Variants in RSU1 observed in about 807,000 individuals in gnomAD.
The protein encoded by RSU1 is rsu-1.
RSU1 carries 26 observed loss-of-function variants against 31.1 expected under a neutral mutation model. The ratio of observed to expected loss-of-function variants is 0.84; its 90% CI spans 0.61 to 1.16. The LOEUF (loss-of-function observed/expected upper bound fraction) is 1.16, where lower values mean the gene tolerates loss of function less well. Ranked by LOEUF, RSU1 falls within the 50% of genes most tolerant of loss-of-function variation. The pLI is 0.00. For synonymous variants in RSU1, 164 were observed against 136.3 expected (o/e 1.20, Z -1.41); for missense variants, 320 against 339.1 (o/e 0.94, Z 0.44).
At chr10:16,755,076 AAGTGTAAG>A in intron 4 of RSU1, 87 bp from the exon 5 acceptor site, 1 of 754,410 alleles carries the variant, frequency 1.3e-6, no homozygotes, top group Non-Finnish European at 2.3e-6. Flanking sequence ...CAGACGCTGA[AAGTGTAAG>A]ACAGTGCCAT....
chr10:16,738,114 A>G (rs1836670502), intron 7 of RSU1, among the ~76,000 whole-genome samples: 1 of 152,214 alleles, frequency 6.6e-6, no homozygotes, highest in African/African-American at 2.4e-5. Flanking sequence ...GATGCTGCTA[A>G]AACAACGGAG....
intron 7 of RSU1, among the ~76,000 whole-genome samples, chr10:16,701,417 A>T (rs1835790527): frequency 6.6e-6 from 1 of 152,210 alleles, no homozygotes; most frequent in Non-Finnish European, 1.5e-5. Context: ...GGGATGTCTC[A>T]TGACAGCTCT....
At chr10:16,742,466 G>C (rs1460366477) in intron 7 of RSU1, among the ~76,000 whole-genome samples, 1 of 151,968 alleles carries the variant, frequency 6.6e-6, no homozygotes. Flanking sequence ...GTCTGACTCA[G>C]TATAACCTTG....
At chr10:16,604,495 AC>A (rs1474834464) in intron 8 of RSU1, among the ~76,000 whole-genome samples, 1 of 152,008 alleles carries the variant, frequency 6.6e-6, no homozygotes, top group African/African-American at 2.4e-5. Flanking sequence ...CACGCGATCC[AC>A]ACCTGCACGG....
chr10:16,815,740 A>T (rs1315176808), intron 2 of RSU1, among the ~76,000 whole-genome samples: 1 of 152,194 alleles, frequency 6.6e-6, no homozygotes, highest in African/African-American at 2.4e-5. Context: ...ACACACGACC[A>T]CCTTCACAGA....
chr10:16,687,518 G>GA (rs200371683), intron 8 of RSU1, among the ~76,000 whole-genome samples: 135 of 151,174 alleles, frequency 8.9e-4, no homozygotes, highest in African/African-American at 2.8e-3. Flanking sequence ...TTACAAGGCA[G>GA]AAAAAAAAAT....
intron 8 of RSU1, among the ~76,000 whole-genome samples, chr10:16,603,268 A>C (rs771948453): frequency 1.3e-5 from 2 of 152,230 alleles, no homozygotes; most frequent in Non-Finnish European, 2.9e-5. Context: ...ATAGGCTATA[A>C]TATATAAGGC....
chr10:16,748,982 TC>T (rs1836916998), intron 7 of RSU1, among the ~76,000 whole-genome samples: 1 of 152,124 alleles, frequency 6.6e-6, no homozygotes, highest in Non-Finnish European at 1.5e-5. Flanking sequence ...CTTGTTCTAA[TC>T]CCTAGCAAAT....
chr10:16,773,772 G>C (rs760929375), intron 3 of RSU1, among the ~76,000 whole-genome samples: 1 of 152,164 alleles, frequency 6.6e-6, no homozygotes, highest in Non-Finnish European at 1.5e-5. Flanking sequence ...TTTCCACACA[G>C]TGCTGGTTCA....
At chr10:16,778,262 CACA>C (rs1346636285) in intron 3 of RSU1, among the ~76,000 whole-genome samples, 3 of 151,994 alleles carry the variant, frequency 2.0e-5, no homozygotes, top group African/African-American at 7.2e-5. Flanking sequence ...GAAATGAGCA[CACA>C]ACGAGTAAGA....
intron 8 of RSU1, among the ~76,000 whole-genome samples, chr10:16,633,444 C>A (rs546275817): frequency 1.3e-5 from 2 of 152,114 alleles, no homozygotes; most frequent in African/African-American, 4.8e-5. Flanking sequence ...CAACACCCAT[C>A]CCCACCTGGG....
chr10:16,684,418 T>C lies in RSU1; in HGVS notation c.731+10605A>G, dbSNP rs1441046633. On this transcript the variant is annotated intron_variant, in intron 8 of 8. Transcript: ENST00000345264. ...AAAAAAACCAGAGCTTAGTCCTCAA[T>C]GGTCATATTTGGAGACAGCGTTTTT... 2.6e-5 allele frequency among the ~76,000 whole-genome samples: 4 copies of C among 152,138 alleles called. No individual in the cohort carries two copies. In the East Asian group the frequency reaches 7.7e-4, roughly 29 times the overall value.
At chr10:16,784,712 G>A (rs965497257) in intron 2 of RSU1, among the ~76,000 whole-genome samples, 3 of 152,194 alleles carry the variant, frequency 2.0e-5, no homozygotes, top group African/African-American at 4.8e-5. Context: ...GTAAGAGAGC[G>A]TATGCAGGGG....
intron 7 of RSU1, among the ~76,000 whole-genome samples, chr10:16,700,059 C>T (rs1835757191): frequency 6.6e-6 from 1 of 152,162 alleles, no homozygotes; most frequent in Non-Finnish European, 1.5e-5. Flanking sequence ...CATTAATAAG[C>T]ATGCTCATTT....
chr10:16,695,166 GGAA>G lies in RSU1; in HGVS notation c.599-14_599-12del, dbSNP rs1554767104. ...TTAAATCCAAGTTTCCTGGGGGGGG[GGAA>G]AAAAAAAGTGAAGGTCACTTCATCC... is the stretch of plus-strand genomic sequence containing the variant. On this transcript the variant is annotated splice_polypyrimidine_tract_variant and intron_variant, in intron 7 of 8. Coordinates refer to ENST00000345264, the MANE Select transcript of RSU1 (RefSeq NM_012425.4). 15 of 1,381,624 alleles carry G rather than the reference GGAA, an allele frequency of 1.1e-5. No individual in the cohort carries two copies. The highest frequency in any genetic ancestry group is 1.4e-5 in the Non-Finnish European group (14 of 1,022,634). 85.6% of individuals were successfully genotyped at this position (1,381,624 alleles called of 1,614,324 possible).
At chr10:16,635,215 C>T (rs1261114124) in intron 8 of RSU1, among the ~76,000 whole-genome samples, 1 of 152,212 alleles carries the variant, frequency 6.6e-6, no homozygotes, top group Non-Finnish European at 1.5e-5. Flanking sequence ...ACCAAATTCT[C>T]CTGATGCAGC....
intron 7 of RSU1, among the ~76,000 whole-genome samples, chr10:16,738,479 A>G (rs1836683147): frequency 6.6e-6 from 1 of 152,156 alleles, no homozygotes; most frequent in African/African-American, 2.4e-5. Context: ...CTGAAAATCA[A>G]TCACGTAAGC....
chr10:16,722,987 T>C (rs181607710), intron 7 of RSU1: 63 of 150,480 alleles, frequency 4.2e-4, no homozygotes, highest in African/African-American at 1.5e-3. Context: ...TATACACACA[T>C]ATACATATAT....
At chr10:16,776,807 TTA>T (rs778561146) in intron 3 of RSU1, among the ~76,000 whole-genome samples, 7 of 136,990 alleles carry the variant, frequency 5.1e-5, no homozygotes, top group South Asian at 2.2e-4. Context: ...GTCACAAAAT[TTA>T]AAAAAAAAAA....
Sources: allele counts gnomAD v4.1 joint callset (sites outside exome capture counted in the v4.1 genomes callset), GRCh38; gene constraint gnomAD v4.1.1; transcripts MANE v1.5; gene names NCBI Gene and HGNC (gene_info 2026-07-23, HGNC 2026-07-21).